Variants in REDIC1 observed in about 807,000 individuals in gnomAD.
REDIC1 encodes the protein HEI10 Interacting Protein 1.
At chr12:39,678,309 C>T in the REDIC1 span, among the ~76,000 whole-genome samples, 1 of 151,938 alleles carries the variant, frequency 6.6e-6, no homozygotes, top group South Asian at 2.1e-4. Flanking sequence ...CTGTGAACAC[C>T]TTTACACATA....
At chr12:39,674,341 A>T in the REDIC1 span, among the ~76,000 whole-genome samples, 1 of 152,198 alleles carries the variant, frequency 6.6e-6, no homozygotes, top group African/African-American at 2.4e-5. Context: ...ACTGAGTCAG[A>T]TGCTTAAAAT....
chr12:39,749,492 C>G, the REDIC1 span, among the ~76,000 whole-genome samples: 1 of 152,142 alleles, frequency 6.6e-6, no homozygotes, highest in Non-Finnish European at 1.5e-5. Flanking sequence ...ACCAGAGGTA[C>G]AAGGAGGAGC....
the REDIC1 span, among the ~76,000 whole-genome samples, chr12:39,743,858 G>T: frequency 6.6e-6 from 1 of 152,038 alleles, no homozygotes; most frequent in Non-Finnish European, 1.5e-5. Flanking sequence ...ACTACAAAAG[G>T]TATAACATAC....
At chr12:39,899,428 C>A in the REDIC1 span, among the ~76,000 whole-genome samples, 2 of 152,134 alleles carry the variant, frequency 1.3e-5, no homozygotes, top group Non-Finnish European at 2.9e-5. Context: ...TTTCAAAAAA[C>A]CAGCTCCTGG....
the REDIC1 span, among the ~76,000 whole-genome samples, chr12:39,709,627 A>G: frequency 6.6e-6 from 1 of 151,466 alleles, no homozygotes; most frequent in Non-Finnish European, 1.5e-5. Flanking sequence ...TTCACTTAGC[A>G]TAATGTCCTT....
chr12:39,666,685 C>A, the REDIC1 span, among the ~76,000 whole-genome samples: 280 of 152,226 alleles, frequency 1.8e-3, no homozygotes, highest in African/African-American at 6.0e-3. Flanking sequence ...GGCTGTGAAT[C>A]CATCTGGTCC....
the REDIC1 span, among the ~76,000 whole-genome samples, chr12:39,715,973 G>T: frequency 6.6e-6 from 1 of 151,848 alleles, no homozygotes; most frequent in Non-Finnish European, 1.5e-5. Flanking sequence ...ATGAAATAAG[G>T]GTATCAGAGT....
chr12:39,692,222 C>T, the REDIC1 span: 2 of 1,068,570 alleles, frequency 1.9e-6, no homozygotes, highest in Non-Finnish European at 2.6e-6. Flanking sequence ...AAATATATAT[C>T]ATGGATATTT....
the REDIC1 span, among the ~76,000 whole-genome samples, chr12:39,876,887 G>A: frequency 1.3e-5 from 2 of 152,226 alleles, no homozygotes; most frequent in East Asian, 1.9e-4. Flanking sequence ...TATTCATATT[G>A]TGATATAGGA....
chr12:39,628,883 AC>A, the REDIC1 span, among the ~76,000 whole-genome samples: 1 of 152,176 alleles, frequency 6.6e-6, no homozygotes, highest in Non-Finnish European at 1.5e-5. Context: ...TGATGGGGAA[AC>A]TGAAGCATAG....
At chr12:39,695,475 A>G in the REDIC1 span, among the ~76,000 whole-genome samples, 1 of 152,132 alleles carries the variant, frequency 6.6e-6, no homozygotes, top group African/African-American at 2.4e-5. Context: ...TACTCCCTGT[A>G]GGCCTGGGTT....
the REDIC1 span, among the ~76,000 whole-genome samples, chr12:39,794,986 GTCTCATTCTAA>G: frequency 1.3e-5 from 2 of 152,122 alleles, no homozygotes; most frequent in South Asian, 2.1e-4. Context: ...CTGTTCAGCA[GTCTCATTCTAA>G]TCTGTTTGGT....
the REDIC1 span, among the ~76,000 whole-genome samples, chr12:39,708,161 A>G: frequency 6.6e-6 from 1 of 151,772 alleles, no homozygotes; most frequent in Non-Finnish European, 1.5e-5. Context: ...AATGAAAACA[A>G]TGTAATTAGA....
chr12:39,660,953 A>G, the REDIC1 span, among the ~76,000 whole-genome samples: 1 of 152,014 alleles, frequency 6.6e-6, no homozygotes, highest in Non-Finnish European at 1.5e-5. Flanking sequence ...TTTCACTTCC[A>G]GTTCCACCCA....
the REDIC1 span, among the ~76,000 whole-genome samples, chr12:39,632,979 T>G: frequency 6.6e-6 from 1 of 152,162 alleles, no homozygotes; most frequent in African/African-American, 2.4e-5. Context: ...CACTATACAC[T>G]TAGGCTACAC....
At chr12:39,815,234 T>C in the REDIC1 span, among the ~76,000 whole-genome samples, 64 of 152,314 alleles carry the variant, frequency 4.2e-4, no homozygotes, top group East Asian at 0.011. Flanking sequence ...CTGAATCCCA[T>C]ATGCCCAAAT....
the REDIC1 span, among the ~76,000 whole-genome samples, chr12:39,704,618 C>T: frequency 6.6e-6 from 1 of 151,906 alleles, no homozygotes; most frequent in East Asian, 1.9e-4. Context: ...AAGACACATG[C>T]ACACGTATGT....
the REDIC1 span, among the ~76,000 whole-genome samples, chr12:39,852,014 T>C: frequency 7.4e-3 from 1,130 of 152,332 alleles, 10 homozygotes; most frequent in African/African-American, 0.026. Flanking sequence ...TGGAAAATGT[T>C]ATGGAATCAT....
At chr12:39,633,796 G>A in the REDIC1 span, among the ~76,000 whole-genome samples, 1 of 152,148 alleles carries the variant, frequency 6.6e-6, no homozygotes, top group African/African-American at 2.4e-5. Flanking sequence ...TCGTTACGCA[G>A]TGTGTGATTT....
Sources: gnomAD v4.1 joint callset for allele counts (sites outside exome capture counted in the v4.1 genomes callset) on GRCh38, gnomAD v4.1.1 for gene constraint, MANE v1.5 for transcripts, NCBI Gene and HGNC (gene_info 2026-07-23, HGNC 2026-07-21) for gene names.